Variants in ABL2 observed in about 807,000 individuals in gnomAD.
ABL2 encodes tyrosine-protein kinase ABL2.
ABL2 carries 49 observed loss-of-function variants against 107.7 expected under a neutral mutation model. That is an observed-to-expected ratio of 0.45 (90% CI 0.36 to 0.58). ABL2 has a LOEUF of 0.58. Among genes scored for constraint, ABL2 ranks in the 20% least tolerant of loss-of-function variants. The pLI is 0.00. For synonymous variants in ABL2, 549 were observed against 548.6 expected (o/e 1.00, Z -0.01); for missense variants, 1,245 against 1,457.0 (o/e 0.85, Z 2.37).
intron 1 of ABL2, 35 bp downstream of exon 1, chr1:179,229,206 C>CCCCCCCCCCCCCCCCCCCCCCCCCCT: frequency 6.8e-7 from 1 of 1,480,762 alleles, no homozygotes; most frequent in South Asian, 1.3e-5. Flanking sequence ...CCCGGCCTCC[C>CCCCCCCCCCCCCCCCCCCCCCCCCCT]CCACGCTCTC....
At chr1:179,219,037 T>C (rs1229758845) in intron 1 of ABL2, among the ~76,000 whole-genome samples, 1 of 132,370 alleles carries the variant, frequency 7.6e-6, no homozygotes, top group Non-Finnish European at 1.6e-5. Context: ...AAGAAGATAA[T>C]CACACTAAAC....
chr1:179,116,399 G>T (rs1240525783), intron 8 of ABL2, among the ~76,000 whole-genome samples: 2 of 152,058 alleles, frequency 1.3e-5, no homozygotes, highest in South Asian at 2.1e-4. Context: ...AAAACCTAAT[G>T]TGGAAATAGG....
intron 1 of ABL2, among the ~76,000 whole-genome samples, chr1:179,211,303 G>A (rs962872743): frequency 6.6e-6 from 1 of 151,996 alleles, no homozygotes; most frequent in Non-Finnish European, 1.5e-5. Flanking sequence ...GAATTGCTTT[G>A]AGCCCAGGAG....
chr1:179,165,544 C>A (rs1160416221), intron 1 of ABL2, among the ~76,000 whole-genome samples: 2 of 152,016 alleles, frequency 1.3e-5, no homozygotes, highest in African/African-American at 4.8e-5. Flanking sequence ...AAGCAAGGAC[C>A]AGATCTTAGA....
intron 1 of ABL2, among the ~76,000 whole-genome samples, chr1:179,148,557 C>T (rs1658160489): frequency 6.6e-6 from 1 of 152,098 alleles, no homozygotes; most frequent in African/African-American, 2.4e-5. Flanking sequence ...CAGCTGTTTC[C>T]CTGTCTCACT....
intron 4 of ABL2, among the ~76,000 whole-genome samples, chr1:179,125,228 T>C (rs941933708): frequency 1.3e-5 from 2 of 152,216 alleles, no homozygotes; most frequent in African/African-American, 4.8e-5. Flanking sequence ...AATAAAATAT[T>C]ATTTACAAAA....
At chr1:179,210,224 G>A (rs1030288126) in intron 1 of ABL2, among the ~76,000 whole-genome samples, 6 of 152,084 alleles carry the variant, frequency 3.9e-5, no homozygotes, top group South Asian at 2.1e-4. Context: ...AAACAACACC[G>A]GCCAGGTGCG....
chr1:179,138,510 T>C (rs1486076566), intron 1 of ABL2, among the ~76,000 whole-genome samples: 2 of 152,242 alleles, frequency 1.3e-5, no homozygotes, highest in African/African-American at 4.8e-5. Flanking sequence ...GAGAAATCAC[T>C]AATAACACCA....
chr1:179,169,323 C>A (rs1659580264), intron 1 of ABL2, among the ~76,000 whole-genome samples: 1 of 152,016 alleles, frequency 6.6e-6, no homozygotes, highest in Admixed American at 6.6e-5. Flanking sequence ...CCGAGGCGGG[C>A]AGATCACAAG....
At chr1:179,220,623 T>C (rs564303752) in intron 1 of ABL2, among the ~76,000 whole-genome samples, 2 of 152,344 alleles carry the variant, frequency 1.3e-5, no homozygotes, top group South Asian at 4.1e-4. Flanking sequence ...AAAACAAACT[T>C]CAGCTAGTGC....
intron 1 of ABL2, among the ~76,000 whole-genome samples, chr1:179,228,715 T>C (rs1663370926): frequency 6.6e-6 from 1 of 152,108 alleles, no homozygotes; most frequent in Non-Finnish European, 1.5e-5. Context: ...AACTTCATCT[T>C]CCCTACAGAA....
intron 1 of ABL2, among the ~76,000 whole-genome samples, chr1:179,228,079 G>C (rs1326058427): frequency 6.8e-6 from 1 of 147,414 alleles, no homozygotes; most frequent in Admixed American, 6.8e-5. Flanking sequence ...AAAAGAGTTT[G>C]GGCCAGGAAC....
intron 1 of ABL2, chr1:179,221,856 C>CA: frequency 4.3e-6 from 1 of 232,132 alleles, no homozygotes; most frequent in East Asian, 1.1e-4. Flanking sequence ...CTCCCTACTG[C>CA]AGTGGGTTGG....
intron 1 of ABL2, among the ~76,000 whole-genome samples, chr1:179,226,043 C>CAAAAA (rs1194438803): frequency 8.8e-5 from 4 of 45,686 alleles, no homozygotes; most frequent in Admixed American, 3.5e-4. Context: ...GACTCCGCCT[C>CAAAAA]AAAAAAAAAA....
intron 7 of ABL2, 61 bp from the exon 8 acceptor site, chr1:179,117,577 ACT>A: frequency 6.4e-7 from 1 of 1,564,400 alleles, no homozygotes; most frequent in Non-Finnish European, 8.7e-7. Flanking sequence ...GGTCATGAAC[ACT>A]CTATTCTTGG....
chr1:179,205,907 T>C (rs758144437), intron 1 of ABL2, among the ~76,000 whole-genome samples: 14 of 152,232 alleles, frequency 9.2e-5, no homozygotes, highest in Non-Finnish European at 1.3e-4. Flanking sequence ...CTAATACTTA[T>C]ACAACACCAA....
chr1:179,198,619 G>T (rs12132572), intron 1 of ABL2, among the ~76,000 whole-genome samples: 2 of 145,644 alleles, frequency 1.4e-5, no homozygotes, highest in Admixed American at 6.9e-5. Context: ...CTGGAACCAG[G>T]GGGGCAGAGG....
chr1:179,126,425 G>A lies in ABL2; in HGVS notation c.639C>T (p.Tyr213=), dbSNP rs772113528. 9.9e-6 allele frequency: 16 copies of A among 1,614,124 alleles called. No homozygotes were observed. Among genetic ancestry groups the A allele is most frequent in the Admixed American group, 5.0e-5 (3 of 60,008 alleles). The change falls in exon 4 of 12, where the codon TAC becomes TAT. Residue 213 remains tyrosine, a synonymous_variant. Coordinates refer to ENST00000502732, the MANE Select transcript of ABL2 (RefSeq NM_007314.4). The surrounding 1 kb of genome is among the most constrained non-coding windows in gnomAD (Gnocchi z 4.4). ...TCCTGTAGTGATACACACGTCCCTCGTACCTGAGCGAGATGGACAGCTGCC... is the reference window on the plus strand; with the variant it reads ...TCCTGTAGTGATACACACGTCCCTCATACCTGAGCGAGATGGACAGCTGCC... ...SPGQLSISLR[Y]EGRVYHYRIN...
intron 10 of ABL2, chr1:179,110,914 T>C (rs1345008956): frequency 1.6e-5 from 25 of 1,595,148 alleles, no homozygotes; most frequent in Non-Finnish European, 1.8e-5. Flanking sequence ...CAAATAGCGA[T>C]ACTATTTTGC....
Sources: allele counts gnomAD v4.1 joint callset (sites outside exome capture counted in the v4.1 genomes callset), GRCh38; gene constraint gnomAD v4.1.1; non-coding constraint Gnocchi (gnomAD v3.1); transcripts MANE v1.5; gene names NCBI Gene and HGNC (gene_info 2026-07-23, HGNC 2026-07-21).